Variants in NFIX observed in about 807,000 individuals in gnomAD.
NFIX encodes the protein nuclear factor 1 X-type.
A neutral mutation model predicts 53.3 loss-of-function variants in NFIX; 2 were observed. The ratio of observed to expected loss-of-function variants is 0.04; its 90% CI spans 0.02 to 0.12. The LOEUF (loss-of-function observed/expected upper bound fraction) is 0.12, where lower values mean the gene tolerates loss of function less well. Among genes scored for constraint, NFIX ranks in the 10% least tolerant of loss-of-function variants. The probability of loss-of-function intolerance (pLI) is 1.00; values close to 1 mark genes in which losing one functional copy is unlikely to be tolerated. For synonymous variants in NFIX, 244 were observed against 289.0 expected, an observed-to-expected ratio of 0.84 and a Z score of 1.58; for missense variants, 310 against 674.5, an observed-to-expected ratio of 0.46 and a Z score of 5.99.
rs940617185 is a variant in NFIX, at chr19:13,012,444, C to A, written c.28-12577C>A. 3.4e-5 allele frequency among the ~76,000 whole-genome samples: 5 copies of A among 146,244 alleles called. No individual in the cohort carries two copies. Among genetic ancestry groups the A allele is most frequent in the South Asian group, 4.6e-4 (2 of 4,348 alleles). On this transcript the variant is annotated intron_variant, in intron 1 of 10. Transcript: ENST00000592199. This position sits in a 1 kb window ranked among gnomAD's most constrained non-coding sequence, Gnocchi z 5.0. Reference sequence around the variant, plus strand: ...GGGCGCGGCCTGCCCCTCACAGTGACCCCCCCGACCCACCCCCCAAAAAGT... The same window carrying A: ...GGGCGCGGCCTGCCCCTCACAGTGAACCCCCCGACCCACCCCCCAAAAAGT...
At chr19:13,091,146 G>C (rs1228227173) in intron 10 of NFIX, among the ~76,000 whole-genome samples, 1 of 152,064 alleles carries the variant, frequency 6.6e-6, no homozygotes, top group Non-Finnish European at 1.5e-5. Context: ...CAGCTTTAGG[G>C]GGCCTGAGGC....
In NFIX at chr19:13,006,028, C is replaced by T; in HGVS notation, c.27+10164C>T. Among the ~76,000 whole-genome samples, 1 of 152,234 alleles carries T rather than the reference C, an allele frequency of 6.6e-6. No individual in the cohort carries two copies. The highest frequency in any genetic ancestry group is 1.9e-4 in the East Asian group (1 of 5,202). On this transcript the variant is annotated intron_variant, in intron 1 of 10. Coordinates refer to ENST00000592199, the MANE Select transcript of NFIX (RefSeq NM_001365902.3). The surrounding 1 kb of genome is among the most constrained non-coding windows in gnomAD (Gnocchi z 5.6). Reference sequence around the variant, plus strand: ...CCAAGCACCTCCTGGGTGCCAGGCTCTGTTTTAGGCCCCGGGGGCTCGGCA... The same window carrying T: ...CCAAGCACCTCCTGGGTGCCAGGCTTTGTTTTAGGCCCCGGGGGCTCGGCA...
intron 2 of NFIX, among the ~76,000 whole-genome samples, chr19:13,033,437 A>G (rs140890501): frequency 1.4e-4 from 22 of 152,274 alleles, no homozygotes; most frequent in Non-Finnish European, 3.1e-4. Context: ...GCTGCCATGG[A>G]CTATCAGTAG....
chr19:13,096,085 G>C lies in NFIX; in HGVS notation c.*1436G>C, dbSNP rs1039266787. On this transcript the variant is annotated 3_prime_UTR_variant, in exon 11 of 11. Transcript: ENST00000592199. Reference sequence around the variant, plus strand: ...TCAGAAGCCCCCCTGGGAGGGAGGGGAGGATGAGCACGCCCAGCTCCCCTC... The same window carrying C: ...TCAGAAGCCCCCCTGGGAGGGAGGGCAGGATGAGCACGCCCAGCTCCCCTC... 6.6e-6 allele frequency: 1 copy of C among 152,602 alleles called. No homozygotes were observed. The highest frequency in any genetic ancestry group is 6.5e-5 in the Admixed American group (1 of 15,280). The allele number at this position is 152,602 out of a possible 1,614,324, so 9.5% of individuals were successfully genotyped here.
At position 13,015,015 on chromosome 19, in the gene NFIX, C is replaced by T. The variant is rs184848280; in HGVS notation, c.28-10006C>T. Among the ~76,000 whole-genome samples, 154 of 152,272 alleles carry T rather than the reference C, an allele frequency of 1.0e-3. 1 individual carries two copies. The highest frequency in any genetic ancestry group is 5.2e-3 in the South Asian group (25 of 4,814). The stretch of plus-strand genomic sequence containing the variant: ...ATGGGAAAAATGGGCAATAAATGGG[C>T]ATAGGGGTTAGTGCCCACAGGCGCT... On this transcript the variant is annotated intron_variant, in intron 1 of 10. Coordinates refer to ENST00000592199, the MANE Select transcript of NFIX (RefSeq NM_001365902.3).
At chr19:13,083,087 GGTTT>G (rs1221349354) in intron 8 of NFIX, among the ~76,000 whole-genome samples, 1 of 152,116 alleles carries the variant, frequency 6.6e-6, no homozygotes, top group African/African-American at 2.4e-5. Context: ...GCCCATCGAG[GGTTT>G]CTCTTGGCTG....
chr19:13,013,159 C>T lies in NFIX; in HGVS notation c.28-11862C>T, dbSNP rs1231798751. Among the ~76,000 whole-genome samples the T allele has an allele frequency of 6.6e-6, 1 of 152,096 alleles. No homozygotes were observed. Among genetic ancestry groups the T allele is most frequent in the Non-Finnish European group, 1.5e-5 (1 of 68,034 alleles). Reference sequence around the variant, plus strand: ...CAGGGCTGATTTCTTGAATTTGGGGCGTCGAGGCCTCCCCACCCGTTGCTA... The same window carrying T: ...CAGGGCTGATTTCTTGAATTTGGGGTGTCGAGGCCTCCCCACCCGTTGCTA... On this transcript the variant is annotated intron_variant, in intron 1 of 10. Coordinates refer to ENST00000592199, the MANE Select transcript of NFIX (RefSeq NM_001365902.3). This position sits in a 1 kb window ranked among gnomAD's most constrained non-coding sequence, Gnocchi z 5.9.
chr19:13,056,655 C>T (rs1275651111), intron 2 of NFIX, among the ~76,000 whole-genome samples: 2 of 152,230 alleles, frequency 1.3e-5, no homozygotes, highest in African/African-American at 2.4e-5. Context: ...CCAGGGAACC[C>T]AGGGGTGAAA....
chr19:13,088,854 C>CT lies in NFIX; in HGVS notation c.1402+727dup, dbSNP rs903239632. Among the ~76,000 whole-genome samples the CT allele has an allele frequency of 6.7e-5, 10 of 150,026 alleles. No homozygotes were observed. The highest frequency in any genetic ancestry group is 1.7e-4 in the African/African-American group (7 of 41,028). Reference sequence around the variant, plus strand: ...GTCTCTCTTTCTTTTCTTTTCTTTTCTTTTTTTTTCCTCTTAAACCAATGA... The same window carrying CT: ...GTCTCTCTTTCTTTTCTTTTCTTTTCTTTTTTTTTTCCTCTTAAACCAATGA... On this transcript the variant is annotated intron_variant, in intron 9 of 10. Coordinates refer to ENST00000592199, the MANE Select transcript of NFIX (RefSeq NM_001365902.3). This position sits in a 1 kb window ranked among gnomAD's most constrained non-coding sequence, Gnocchi z 5.9.
chr19:13,024,282 C>G (rs2145187566), intron 1 of NFIX, among the ~76,000 whole-genome samples: 1 of 152,264 alleles, frequency 6.6e-6, no homozygotes. Context: ...TTTGTGCTAA[C>G]AAGAAGTGTT....
Position 12,995,666 on chromosome 19 carries a change from G to T in NFIX, c.-172G>T. 2 of 146,112 alleles carry T rather than the reference G, an allele frequency of 1.4e-5. No homozygotes were observed. The highest frequency in any genetic ancestry group is 3.8e-4 in the South Asian group (2 of 5,220). The allele number at this position is 146,112 out of a possible 1,614,324, so 9.1% of individuals were successfully genotyped here. A position where few individuals can be genotyped will look rare whatever the true frequency, so the allele number is the denominator to read the frequency against. ...CCGGAGCCGGCGGGGCCGAGCTTGCGAGCGGCGAGCGCGGAGCGGCGCCGG... is the reference window on the plus strand; with the variant it reads ...CCGGAGCCGGCGGGGCCGAGCTTGCTAGCGGCGAGCGCGGAGCGGCGCCGG... On this transcript the variant is annotated 5_prime_UTR_variant, in exon 1 of 11. Coordinates refer to ENST00000592199, the MANE Select transcript of NFIX (RefSeq NM_001365902.3).
At chr19:13,055,221 C>G (rs1456884491) in intron 2 of NFIX, among the ~76,000 whole-genome samples, 1 of 148,702 alleles carries the variant, frequency 6.7e-6, no homozygotes, top group East Asian at 2.0e-4. Context: ...GCACAACCCT[C>G]CCCCCCTCCC....
Position 13,078,549 on chromosome 19 carries a change from C to T in NFIX, c.956-64C>T, listed in dbSNP as rs10407976. On this transcript the variant is annotated intron_variant, in intron 6 of 10. Transcript: ENST00000592199. This position sits in a 1 kb window ranked among gnomAD's most constrained non-coding sequence, Gnocchi z 4.7. ...GAGAAGGAGCGAGCTGCTGGCTTCC[C>T]GCCTTCCCCGCACCCACCCCAGCCC... is the stretch of plus-strand genomic sequence containing the variant. The T allele has an allele frequency of 7.1e-3, 10,833 of 1,536,420 alleles. 640 individuals are homozygous for T. The African/African-American group carries it at 0.13, about 18-fold the overall frequency.
At chr19:13,083,358 T>C (rs927841646) in intron 8 of NFIX, among the ~76,000 whole-genome samples, 1 of 152,162 alleles carries the variant, frequency 6.6e-6, no homozygotes, top group African/African-American at 2.4e-5. Context: ...AGCCAGGATT[T>C]GGAGTCAAAT....
chr19:13,018,480 C>G (rs2012792295), intron 1 of NFIX, among the ~76,000 whole-genome samples: 1 of 152,182 alleles, frequency 6.6e-6, no homozygotes, highest in Non-Finnish European at 1.5e-5. Flanking sequence ...GCAGAGCCGC[C>G]TTTCCTGAGC....
chr19:13,059,314 C>G (rs1599809429), intron 2 of NFIX, among the ~76,000 whole-genome samples: 1 of 152,344 alleles, frequency 6.6e-6, no homozygotes, highest in Middle Eastern at 3.4e-3. Context: ...CGCCTCTCCC[C>G]TTCCCCTTCT....
chr19:13,071,967 G>A (rs1334995193), intron 2 of NFIX, among the ~76,000 whole-genome samples: 1 of 152,236 alleles, frequency 6.6e-6, no homozygotes, highest in Non-Finnish European at 1.5e-5. Flanking sequence ...TTGAATCAGG[G>A]TGGTGGCGAG....
At position 13,078,856 on chromosome 19, in the gene NFIX, G is replaced by A. The variant is rs564814234; in HGVS notation, c.1078+121G>A. The A allele has an allele frequency of 2.6e-4, 312 of 1,216,374 alleles. No individual in the cohort carries two copies. The highest frequency in any genetic ancestry group is 6.3e-4 in the Admixed American group (23 of 36,266). The allele number at this position is 1,216,374 out of a possible 1,614,324, so 75.3% of individuals were successfully genotyped here. A position where few individuals can be genotyped will look rare whatever the true frequency, so the allele number is the denominator to read the frequency against. On this transcript the variant is annotated intron_variant, in intron 7 of 10. Transcript: ENST00000592199. The surrounding 1 kb of genome is among the most constrained non-coding windows in gnomAD (Gnocchi z 4.7). ...TGACAGCCCCACGCTCTCCAAGTGG[G>A]CCAAGGTGCAGCAGCGGGTGGGCAT...
Position 13,088,247 on chromosome 19 carries a change from A to AG in NFIX, c.1402+111_1402+112insG. 8.2e-7 allele frequency: 1 copy of AG among 1,217,494 alleles called. No individual in the cohort carries two copies. Among genetic ancestry groups the AG allele is most frequent in the Non-Finnish European group, 1.1e-6 (1 of 891,872 alleles). The allele number at this position is 1,217,494 out of a possible 1,614,324, so 75.4% of individuals were successfully genotyped here. ...CCCTCCCCACCACCAAAGCCCCCCA[A>AG]CCCAGAGCACCATGGACAAGAGCAG... On this transcript the variant is annotated intron_variant, in intron 9 of 10. Transcript: ENST00000592199. The surrounding 1 kb of genome is among the most constrained non-coding windows in gnomAD (Gnocchi z 5.9).
Sources: allele counts gnomAD v4.1 joint callset (sites outside exome capture counted in the v4.1 genomes callset), GRCh38; gene constraint gnomAD v4.1.1; non-coding constraint Gnocchi (gnomAD v3.1); transcripts MANE v1.5; gene names NCBI Gene and HGNC (gene_info 2026-07-23, HGNC 2026-07-21).